Variants in EVC observed in about 807,000 individuals in gnomAD.
EVC encodes the protein EvC ciliary complex subunit 1.
Under a neutral mutation model 118.9 loss-of-function variants are expected in EVC, and 116 were observed. That is an observed-to-expected ratio of 0.98 (90% CI 0.84 to 1.14). The LOEUF (loss-of-function observed/expected upper bound fraction) is 1.14. EVC is among the 50% of genes most tolerant of loss of function. EVC has a pLI of 0.00. For synonymous variants in EVC, 619 were observed against 534.7 expected, an observed-to-expected ratio of 1.16 and a Z score of -2.18; for missense variants, 1,401 against 1,246.4, an observed-to-expected ratio of 1.12 and a Z score of -1.87.
rs1577324357 is a variant in EVC at position 5,719,361 on chromosome 4, G to A, written c.288G>A (p.Lys96=). The change falls in exon 2 of 21, where the codon AAG becomes AAA. Residue 96 remains lysine (K), a synonymous_variant. Transcript: ENST00000264956. This position sits in a 1 kb window ranked among gnomAD's most constrained non-coding sequence, Gnocchi z 4.7. ...GAGAAGTGCAGATGTCGAAGGACAA[G>A]GAAGCTGTTGATGTAAGCTTGGTGT... ...RKREVQMSKD[K]EAVDECEPPS... 6.2e-7 allele frequency: 1 copy of A among 1,614,212 alleles called. No individual in the cohort carries two copies. The highest frequency in any genetic ancestry group is 8.5e-7 in the Non-Finnish European group (1 of 1,180,034).
intron 11 of EVC, among the ~76,000 whole-genome samples, chr4:5,771,491 T>G (rs1445319119): frequency 6.6e-6 from 1 of 152,202 alleles, no homozygotes; most frequent in African/African-American, 2.4e-5. Flanking sequence ...CTGCGAAGTC[T>G]CTTTACCATG....
intron 8 of EVC, among the ~76,000 whole-genome samples, chr4:5,748,946 C>G (rs1421389468): frequency 7.6e-6 from 1 of 130,764 alleles, no homozygotes; most frequent in Non-Finnish European, 1.8e-5. Context: ...GGTCTCCATC[C>G]CAGAGTTTCT....
At chr4:5,826,963 A>G in the EVC span, 1 of 152,452 alleles carries the variant, frequency 6.6e-6, no homozygotes, top group Non-Finnish European at 1.5e-5. Context: ...GCCTCACTGT[A>G]TCCTGTGCAT....
In EVC at chr4:5,797,109, C is replaced by T. The variant is rs1486029306; in HGVS notation, c.1974C>T (p.Thr658=). ...CACTCCGCGGCAACGCCCTGGCCAC[C>T]CTGACGCAGATGCGGCTATCGGGGA... ...RLALRGNALA[T]LTQMRLSGKK... is the part of the protein sequence containing the mutation. Residue 658 remains threonine (T), a synonymous_variant, in exon 14 of 21, where the codon ACC becomes ACT. Coordinates refer to ENST00000264956, the MANE Select transcript of EVC (RefSeq NM_153717.3). The T allele has an allele frequency of 1.2e-6, 2 of 1,613,570 alleles. No homozygotes were observed. The highest frequency in any genetic ancestry group is 1.7e-5 in the Admixed American group (1 of 60,022).
chr4:5,790,180 C>CAAAAAAAAAAAAAAAAAAAA (rs35158259), intron 12 of EVC, among the ~76,000 whole-genome samples: 1 of 112,220 alleles, frequency 8.9e-6, no homozygotes, highest in Non-Finnish European at 1.8e-5. Context: ...GACTCCATCT[C>CAAAAAAAAAAAAAAAAAAAA]AAAAAAAAAA....
chr4:5,816,976 G>A (rs894396979), downstream of EVC, among the ~76,000 whole-genome samples: 2 of 152,104 alleles, frequency 1.3e-5, no homozygotes, highest in African/African-American at 4.8e-5. Context: ...CCTTTCTCTG[G>A]AAACCACTTA....
At chr4:5,821,735 G>A in the EVC span, 1 of 1,584,732 alleles carries the variant, frequency 6.3e-7, no homozygotes, top group African/African-American at 1.3e-5. The surrounding 1 kb of genome is among the most constrained non-coding windows in gnomAD (Gnocchi z 4.4). Flanking sequence ...GAATCCTTCA[G>A]GCTAGCTCCT....
chr4:5,802,054 C>A lies in EVC; in HGVS notation c.2409C>A (p.Asp803Glu). The A allele has an allele frequency of 6.2e-7, 1 of 1,614,214 alleles. No individual in the cohort carries two copies. The highest frequency in any genetic ancestry group is 1.1e-5 in the South Asian group (1 of 91,080). Reference sequence around the variant, plus strand: ...AGCAAATCGGAAGGATCATGGAGGACCACGAGGAGAGAAAACTGCAGCACC... The same window carrying A: ...AGCAAATCGGAAGGATCATGGAGGAACACGAGGAGAGAAAACTGCAGCACC... ...YYQQIGRIME[D>E]HEERKLQHLK... is the part of the protein sequence containing the mutation. Residue 803 changes from aspartate (D) to glutamate (E), a missense_variant, in exon 16 of 21, where the codon GAC becomes GAA. By Grantham distance (45) the Asp-to-Glu change is conservative. Coordinates refer to ENST00000264956, the MANE Select transcript of EVC (RefSeq NM_153717.3).
intron 18 of EVC, among the ~76,000 whole-genome samples, chr4:5,809,198 G>A (rs1165865740): frequency 6.6e-6 from 1 of 152,178 alleles, no homozygotes; most frequent in African/African-American, 2.4e-5. Flanking sequence ...TGTGGAGTCG[G>A]GCAGAAGTGA....
At chr4:5,764,197 A>T (rs1210778966) in intron 11 of EVC, among the ~76,000 whole-genome samples, 1 of 142,122 alleles carries the variant, frequency 7.0e-6, no homozygotes, top group Non-Finnish European at 1.5e-5. Context: ...TATATGCTGG[A>T]TTACATTTAT....
At chr4:5,820,434 A>T in the EVC span, among the ~76,000 whole-genome samples, 1 of 152,214 alleles carries the variant, frequency 6.6e-6, no homozygotes, top group Non-Finnish European at 1.5e-5. Flanking sequence ...GGAAGGAAGA[A>T]ATGTGAAGTT....
Position 5,736,186 on chromosome 4 carries a change from C to T in EVC, c.702+2751C>T, listed in dbSNP as rs546779796. The stretch of plus-strand genomic sequence containing the variant: ...TGGAGGAAGATTAAATAAAGGGGAG[C>T]ACCAGCACTAGGGGGTTCTCATGGT... On this transcript the variant is annotated intron_variant, in intron 5 of 20. Transcript: ENST00000264956. Among the ~76,000 whole-genome samples the T allele has an allele frequency of 3.0e-4, 46 of 152,188 alleles. No individual in the cohort carries two copies. In the South Asian group the frequency reaches 8.9e-3, roughly 29 times the overall value.
intron 17 of EVC, among the ~76,000 whole-genome samples, chr4:5,806,113 T>A (rs1368632906): frequency 1.3e-5 from 2 of 151,404 alleles, no homozygotes; most frequent in Admixed American, 1.3e-4. Context: ...AGAGTCTTGC[T>A]CTGTTGCCCA....
At chr4:5,786,599 T>C (rs367862038) in intron 12 of EVC, among the ~76,000 whole-genome samples, 18 of 152,168 alleles carry the variant, frequency 1.2e-4, no homozygotes, top group Admixed American at 2.0e-4. Context: ...GATAGCCGGG[T>C]GCGGTGGCTC....
chr4:5,750,636 G>T (rs1302972118), intron 8 of EVC, among the ~76,000 whole-genome samples: 1 of 152,192 alleles, frequency 6.6e-6, no homozygotes, highest in South Asian at 2.1e-4. Flanking sequence ...GATAGCACCT[G>T]CTCTCTCACA....
intron 13 of EVC, among the ~76,000 whole-genome samples, chr4:5,794,395 T>TATAC (rs1411369814): frequency 7.8e-6 from 1 of 127,912 alleles, no homozygotes; most frequent in African/African-American, 2.6e-5. Context: ...ATATTTTTTA[T>TATAC]ATATATATAT....
the EVC span, chr4:5,828,539 G>A: frequency 3.1e-6 from 5 of 1,614,218 alleles, no homozygotes; most frequent in Admixed American, 1.7e-5. Context: ...AACGCCTTCC[G>A]CGGAATGAAG....
intron 19 of EVC, among the ~76,000 whole-genome samples, chr4:5,809,951 TGA>T (rs1307087977): frequency 6.6e-6 from 1 of 152,192 alleles, no homozygotes; most frequent in Non-Finnish European, 1.5e-5. Flanking sequence ...AACCTGGTAA[TGA>T]GAGAGTGACT....
At chr4:5,716,998 G>C (rs1724067542) in intron 1 of EVC, among the ~76,000 whole-genome samples, 1 of 149,008 alleles carries the variant, frequency 6.7e-6, no homozygotes, top group African/African-American at 2.4e-5. Flanking sequence ...CATCCACGGT[G>C]CCAGGCATTT....
Sources: gnomAD v4.1 joint callset for allele counts (sites outside exome capture counted in the v4.1 genomes callset) on GRCh38, gnomAD v4.1.1 for gene constraint, Gnocchi (gnomAD v3.1) non-coding constraint, MANE v1.5 for transcripts, NCBI Gene and HGNC (gene_info 2026-07-23, HGNC 2026-07-21) for gene names.